BOP1: variants seen among roughly 807,000 people sequenced by gnomAD.
BOP1 encodes the protein ribosome biogenesis protein BOP1.
BOP1 carries 54 observed loss-of-function variants against 82.9 expected under a neutral mutation model. The ratio of observed to expected loss-of-function variants is 0.65; its 90% CI spans 0.52 to 0.82. The LOEUF (loss-of-function observed/expected upper bound fraction) is 0.82. Among genes scored for constraint, BOP1 ranks in the 40% least tolerant of loss-of-function variants. BOP1 has a pLI of 0.00. For missense variants in BOP1, 1,170 were observed against 1,072.0 expected, an observed-to-expected ratio of 1.09 and a Z score of -1.28; for synonymous variants, 566 against 451.1, an observed-to-expected ratio of 1.25 and a Z score of -3.23.
rs1845236524 is a variant in BOP1, at chr8:144,262,681, A to G, written c.1895-9T>C. ...ACAGATGACGTTGTCACCTAGGGCCAAAGGCTGTGATGCAGGTGTTCCCGC... is the reference window on the plus strand; with the variant it reads ...ACAGATGACGTTGTCACCTAGGGCCGAAGGCTGTGATGCAGGTGTTCCCGC... On this transcript the variant is annotated splice_polypyrimidine_tract_variant and intron_variant, in intron 13 of 15. Coordinates refer to ENST00000569669, the MANE Select transcript of BOP1 (RefSeq NM_015201.5). 1 of 1,612,776 alleles carries G rather than the reference A, an allele frequency of 6.2e-7. No individual in the cohort carries two copies. The highest frequency in any genetic ancestry group is 1.7e-5 in the Admixed American group (1 of 59,978).
chr8:144,282,903 T>C (rs1378805870), intron 2 of BOP1, among the ~76,000 whole-genome samples: 1 of 151,914 alleles, frequency 6.6e-6, no homozygotes, highest in African/African-American at 2.4e-5. Context: ...AAAGGCACTA[T>C]GGTGGCCAGG....
chr8:144,276,882 C>T (rs1845575019), intron 2 of BOP1, among the ~76,000 whole-genome samples: 1 of 152,218 alleles, frequency 6.6e-6, no homozygotes, highest in South Asian at 2.1e-4. Flanking sequence ...CCAGAGAGGG[C>T]CCCGAACACT....
intron 2 of BOP1, among the ~76,000 whole-genome samples, chr8:144,279,901 G>A (rs587675613): frequency 1.4e-4 from 22 of 152,180 alleles, no homozygotes; most frequent in Admixed American, 1.1e-3. Flanking sequence ...CACACAAGAG[G>A]CCCGGCTGTG....
chr8:144,282,169 A>C (rs1446914396), intron 2 of BOP1, among the ~76,000 whole-genome samples: 3 of 152,216 alleles, frequency 2.0e-5, no homozygotes, highest in African/African-American at 7.2e-5. Flanking sequence ...GAAGCGAGGC[A>C]CAGGCCGGCA....
intron 3 of BOP1, among the ~76,000 whole-genome samples, chr8:144,275,472 G>A (rs1554838207): frequency 2.7e-4 from 15 of 55,200 alleles, no homozygotes; most frequent in Middle Eastern, 8.1e-3. Flanking sequence ...CCACGCTGGC[G>A]GAGCCCAGCC....
chr8:144,285,743 CA>C (rs1472287511), intron 2 of BOP1, among the ~76,000 whole-genome samples: 4 of 152,246 alleles, frequency 2.6e-5, no homozygotes, highest in Non-Finnish European at 5.9e-5. Context: ...CAACCACTGG[CA>C]GGGGCATCGG....
chr8:144,263,930 A>G lies in BOP1; in HGVS notation c.1141-19T>C, dbSNP rs943193435. On this transcript the variant is annotated intron_variant, in intron 8 of 15. Coordinates refer to ENST00000569669, the MANE Select transcript of BOP1 (RefSeq NM_015201.5). The stretch of plus-strand genomic sequence containing the variant: ...CATTCACCTGGGGCAGGAGAGCGCC[A>G]GGTCAGCCTTGCCCCCTGTGCCACC... The G allele has an allele frequency of 2.5e-5, 40 of 1,611,068 alleles. No homozygotes were observed. Among genetic ancestry groups the G allele is most frequent in the Admixed American group, 1.7e-5 (1 of 59,914 alleles).
chr8:144,272,449 G>A (rs1287409625), intron 3 of BOP1, among the ~76,000 whole-genome samples: 1 of 152,146 alleles, frequency 6.6e-6, no homozygotes, highest in Non-Finnish European at 1.5e-5. Context: ...AGAGGGCCCA[G>A]AGCCTGCAGC....
rs1157994801 is a variant in BOP1, at chr8:144,277,163, G to A, written c.310-859C>T. On this transcript the variant is annotated intron_variant, in intron 2 of 15. Transcript: ENST00000569669. The stretch of plus-strand genomic sequence containing the variant: ...CCAGAGCGAAGGCGGGCACGCCCCC[G>A]CCCCCACCCCGAGCCCCTCTTCTCT... Among the ~76,000 whole-genome samples, 24 of 137,730 alleles carry A rather than the reference G, an allele frequency of 1.7e-4. No homozygotes were observed. The South Asian group carries it at 2.5e-3, about 14-fold the overall frequency. 90.4% of individuals were successfully genotyped at this position (137,730 alleles called of 152,430 possible).
At chr8:144,273,952 A>G (rs1434818787) in intron 3 of BOP1, among the ~76,000 whole-genome samples, 1 of 152,182 alleles carries the variant, frequency 6.6e-6, no homozygotes, top group African/African-American at 2.4e-5. Context: ...GGGGCTGCTC[A>G]GGTCTTCAAA....
intron 1 of BOP1, among the ~76,000 whole-genome samples, chr8:144,290,446 C>T (rs538733109): frequency 6.6e-6 from 1 of 152,208 alleles, no homozygotes; most frequent in African/African-American, 2.4e-5. Flanking sequence ...ACAAGTCTCA[C>T]TTAAGGTACG....
intron 2 of BOP1, among the ~76,000 whole-genome samples, chr8:144,285,033 G>A (rs888369950): frequency 6.6e-6 from 1 of 152,196 alleles, no homozygotes; most frequent in Non-Finnish European, 1.5e-5. Flanking sequence ...GGCCGGTCTG[G>A]GTTGGTTTGG....
chr8:144,274,599 C>T (rs1845541462), intron 3 of BOP1, among the ~76,000 whole-genome samples: 2 of 152,242 alleles, frequency 1.3e-5, no homozygotes, highest in Non-Finnish European at 2.9e-5. Flanking sequence ...GCTGTGCTGG[C>T]AGGAGCACCG....
intron 2 of BOP1, among the ~76,000 whole-genome samples, chr8:144,284,543 T>G (rs1335518254): frequency 6.6e-6 from 1 of 152,138 alleles, no homozygotes; most frequent in East Asian, 1.9e-4. Flanking sequence ...CGGCTGCCCC[T>G]TCTCTTAAGA....
At chr8:144,282,749 C>T (rs1425711168) in intron 2 of BOP1, among the ~76,000 whole-genome samples, 1 of 152,110 alleles carries the variant, frequency 6.6e-6, no homozygotes, top group Non-Finnish European at 1.5e-5. Flanking sequence ...GAGTACCCTT[C>T]TTCACCTTCA....
rs1845307134 is a variant in BOP1, at chr8:144,264,360, A to C, written c.843T>G (p.Tyr281Ter). Reference protein sequence around the residue: ...RRPRDPTPSFYDLWAQEDPNA... With the variant: ...RRPRDPTPSF The stretch of plus-strand genomic sequence containing the variant: ...TGGGGTCCTCCTGGGCCCACAGGTC[A>C]TAGAAGCTGGGGGTGGGGTCTCGGG... Residue 281 changes from tyrosine to a stop codon, truncating the protein, a stop_gained, in exon 7 of 16, where the codon TAT (tyrosine) becomes TAG (stop). Coordinates refer to ENST00000569669, the MANE Select transcript of BOP1 (RefSeq NM_015201.5). LOFTEE classifies it high-confidence loss of function. The C allele has an allele frequency of 6.2e-7, 1 of 1,605,754 alleles. No individual in the cohort carries two copies. Among genetic ancestry groups the C allele is most frequent in the Non-Finnish European group, 8.5e-7 (1 of 1,179,700 alleles).
chr8:144,279,838 G>A (rs59710341), intron 2 of BOP1, among the ~76,000 whole-genome samples: 78,653 of 151,832 alleles, frequency 0.52, 20,845 homozygotes, highest in African/African-American at 0.6. Flanking sequence ...TGGGAGAGGG[G>A]ACAGCTGGAC....
chr8:144,278,835 A>G (rs1204116289), intron 2 of BOP1, among the ~76,000 whole-genome samples: 1 of 152,240 alleles, frequency 6.6e-6, no homozygotes, highest in Non-Finnish European at 1.5e-5. Flanking sequence ...CTCGTGTGAC[A>G]GCAACGACTC....
At chr8:144,266,331 C>T (rs1845361869) in intron 3 of BOP1, among the ~76,000 whole-genome samples, 1 of 151,204 alleles carries the variant, frequency 6.6e-6, no homozygotes, top group Admixed American at 6.6e-5. Context: ...CAAAGCGTGG[C>T]CACAGAAGGC....
Sources: allele counts gnomAD v4.1 joint callset (sites outside exome capture counted in the v4.1 genomes callset), GRCh38; gene constraint gnomAD v4.1.1; transcripts MANE v1.5; gene names NCBI Gene and HGNC (gene_info 2026-07-23, HGNC 2026-07-21).